SMAD1: variants seen among roughly 807,000 people sequenced by gnomAD.
SMAD1 encodes MAD, mothers against decapentaplegic homolog 1.
Under a neutral mutation model 41.6 loss-of-function variants are expected in SMAD1, and 6 were observed. The observed-to-expected ratio is 0.14, with a 90% confidence interval of 0.08 to 0.28. The LOEUF (loss-of-function observed/expected upper bound fraction) is 0.28, where lower values mean the gene tolerates loss of function less well. Ranked by LOEUF, SMAD1 falls within the 10% of genes least tolerant of loss-of-function variation. The pLI is 1.00. For missense variants in SMAD1, 379 were observed against 582.6 expected (o/e 0.65, Z 3.60); for synonymous variants, 206 against 203.2 (o/e 1.01, Z -0.12).
intron 2 of SMAD1, among the ~76,000 whole-genome samples, chr4:145,515,712 TAG>T (rs1730345226): frequency 1.3e-5 from 2 of 152,218 alleles, no homozygotes; most frequent in Admixed American, 6.5e-5. Context: ...ATCTACATTC[TAG>T]AGAGTTGGAT....
intron 2 of SMAD1, among the ~76,000 whole-genome samples, chr4:145,536,529 T>C (rs186769574): frequency 1.3e-5 from 2 of 152,272 alleles, no homozygotes; most frequent in African/African-American, 4.8e-5. Flanking sequence ...AGATTATAGC[T>C]CATTGATTAA....
At position 145,546,839 on chromosome 4, in the gene SMAD1, CAAT is replaced by C; in HGVS notation, c.915_917del (p.Asn305del). The C allele has an allele frequency of 6.2e-7, 1 of 1,614,156 alleles. No homozygotes were observed. Among genetic ancestry groups the C allele is most frequent in the Non-Finnish European group, 8.5e-7 (1 of 1,180,000 alleles). ...TGGATGGTTTCACTGATCCTTCCAA[CAAT>C]AAGAACCGTTTCTGCCTTGGGCTGC... On this transcript the variant is annotated inframe_deletion, in exon 5 of 7. Coordinates refer to ENST00000302085, the MANE Select transcript of SMAD1 (RefSeq NM_005900.3).
Position 145,557,817 on chromosome 4 carries a change from G to GCT in SMAD1, c.1281_1282insCT (p.Asp428LeufsTer57). The GCT allele has an allele frequency of 6.2e-7, 1 of 1,610,140 alleles. No homozygotes were observed. The highest frequency in any genetic ancestry group is 8.5e-7 in the Non-Finnish European group (1 of 1,177,554). ...GCTGGGGAGCAGAATACCACCGCCA[G>GCT]GATGTTACTAGCACCCCCTGCTGGA... On this transcript the variant is annotated frameshift_variant, in exon 7 of 7. Transcript: ENST00000302085. LOFTEE classifies it high-confidence loss of function.
chr4:145,509,104 G>A (rs1180238379), intron 1 of SMAD1, among the ~76,000 whole-genome samples: 1 of 152,110 alleles, frequency 6.6e-6, no homozygotes, highest in African/African-American at 2.4e-5. Context: ...CCTCTTCTTC[G>A]GTTATTCTTG....
At chr4:145,496,553 C>G (rs1014918050) in intron 1 of SMAD1, among the ~76,000 whole-genome samples, 1 of 152,140 alleles carries the variant, frequency 6.6e-6, no homozygotes, top group Non-Finnish European at 1.5e-5. Flanking sequence ...CAGGAGTCCA[C>G]TTATACTCAG....
chr4:145,529,885 A>T lies in SMAD1; in HGVS notation c.401-9919A>T, dbSNP rs1483762786. On this transcript the variant is annotated intron_variant, in intron 2 of 6. Coordinates refer to ENST00000302085, the MANE Select transcript of SMAD1 (RefSeq NM_005900.3). ...TCACCCAGAATTGCTGAAGGTTTTG[A>T]CTTGTTATATCTGGGATGAGGTATA... Among the ~76,000 whole-genome samples, 5 of 152,256 alleles carry T rather than the reference A, an allele frequency of 3.3e-5. No individual in the cohort carries two copies. In the East Asian group the frequency reaches 9.7e-4, roughly 29 times the overall value.
chr4:145,554,989 C>T (rs1732758996), intron 6 of SMAD1, among the ~76,000 whole-genome samples: 1 of 152,124 alleles, frequency 6.6e-6, no homozygotes, highest in Admixed American at 6.6e-5. Context: ...TCCCTTAGAT[C>T]AAAGATATCT....
chr4:145,547,018 T>A, intron 5 of SMAD1, 94 bp downstream of exon 5: 1 of 988,972 alleles, frequency 1.0e-6, no homozygotes, highest in Non-Finnish European at 1.6e-6. Flanking sequence ...CAAACTGTTG[T>A]AGCAAAGACC....
chr4:145,482,719 G>C lies in SMAD1; in HGVS notation c.-177+681G>C, dbSNP rs1267651710. ...TAATTTATTCAAAGGTTTGGCGGCG[G>C]CGCGTAATTTTTTCCCCCTCTTCCG... On this transcript the variant is annotated intron_variant, in intron 1 of 6. Transcript: ENST00000302085. This position sits in a 1 kb window ranked among gnomAD's most constrained non-coding sequence, Gnocchi z 4.2. The C allele has an allele frequency of 6.6e-6, 1 of 152,126 alleles. No homozygotes were observed. The highest frequency in any genetic ancestry group is 1.5e-5 in the Non-Finnish European group (1 of 68,044). The allele number at this position is 152,126 out of a possible 1,614,324, so 9.4% of individuals were successfully genotyped here.
intron 3 of SMAD1, among the ~76,000 whole-genome samples, chr4:145,541,331 T>C (rs2126516827): frequency 6.6e-6 from 1 of 152,316 alleles, no homozygotes; most frequent in South Asian, 2.1e-4. Flanking sequence ...CCTGTAGGAA[T>C]AGTAGAATAG....
At chr4:145,523,269 C>A (rs1483814727) in intron 2 of SMAD1, among the ~76,000 whole-genome samples, 1 of 152,168 alleles carries the variant, frequency 6.6e-6, no homozygotes, top group African/African-American at 2.4e-5. Context: ...GCGACTAACT[C>A]TTACACACTG....
intron 1 of SMAD1, among the ~76,000 whole-genome samples, chr4:145,510,412 GC>G (rs1200890289): frequency 1.3e-5 from 2 of 151,776 alleles, no homozygotes; most frequent in African/African-American, 4.8e-5. Context: ...TTCCCTCTGT[GC>G]CTTGAGCCAC....
chr4:145,531,122 T>C (rs1262585057), intron 2 of SMAD1, among the ~76,000 whole-genome samples: 1 of 152,220 alleles, frequency 6.6e-6, no homozygotes, highest in Non-Finnish European at 1.5e-5. Flanking sequence ...GTGCCACCAC[T>C]CAGGGGTTTA....
chr4:145,549,445 A>C (rs1411832304), intron 5 of SMAD1, among the ~76,000 whole-genome samples: 1 of 152,110 alleles, frequency 6.6e-6, no homozygotes, highest in East Asian at 1.9e-4. Flanking sequence ...GTTACAATAC[A>C]TACATACAGA....
chr4:145,493,759 G>A (rs992878982), intron 1 of SMAD1, among the ~76,000 whole-genome samples: 2 of 152,088 alleles, frequency 1.3e-5, no homozygotes, highest in Non-Finnish European at 2.9e-5. Context: ...ATGCATTCCT[G>A]CTGTGCATCC....
chr4:145,488,628 G>C (rs1406828748), intron 1 of SMAD1, among the ~76,000 whole-genome samples: 1 of 151,866 alleles, frequency 6.6e-6, no homozygotes, highest in Non-Finnish European at 1.5e-5. Context: ...GTTATAATTA[G>C]GCATTAATTA....
At chr4:145,555,216 G>A (rs1732773248) in intron 6 of SMAD1, among the ~76,000 whole-genome samples, 1 of 152,122 alleles carries the variant, frequency 6.6e-6, no homozygotes, top group African/African-American at 2.4e-5. Context: ...ATGTACATAT[G>A]GGACTACAAA....
chr4:145,508,032 A>G (rs902492549), intron 1 of SMAD1, among the ~76,000 whole-genome samples: 1 of 149,116 alleles, frequency 6.7e-6, no homozygotes, highest in Non-Finnish European at 1.5e-5. Flanking sequence ...GCCTCAAGAC[A>G]TTTACCACCT....
At position 145,548,975 on chromosome 4, in the gene SMAD1, C is replaced by T. The variant is rs371329053; in HGVS notation, c.997+2051C>T. Among the ~76,000 whole-genome samples, 10 of 152,212 alleles carry T rather than the reference C, an allele frequency of 6.6e-5. No individual in the cohort carries two copies. The East Asian group carries it at 1.2e-3, about 18-fold the overall frequency. Reference sequence around the variant, plus strand: ...CCTGAGAAGGCCATAACATCACCTACGCAGGATTCCAGCTGAGAATGCAAA... The same window carrying T: ...CCTGAGAAGGCCATAACATCACCTATGCAGGATTCCAGCTGAGAATGCAAA... On this transcript the variant is annotated intron_variant, in intron 5 of 6. Coordinates refer to ENST00000302085, the MANE Select transcript of SMAD1 (RefSeq NM_005900.3).
Sources: gnomAD v4.1 joint callset for allele counts (sites outside exome capture counted in the v4.1 genomes callset) on GRCh38, gnomAD v4.1.1 for gene constraint, Gnocchi (gnomAD v3.1) non-coding constraint, MANE v1.5 for transcripts, NCBI Gene and HGNC (gene_info 2026-07-23, HGNC 2026-07-21) for gene names.